NUCB2: variants seen among roughly 807,000 people sequenced by gnomAD.
NUCB2 encodes the protein nucleobindin-2.
In NUCB2, 48 loss-of-function variants were observed where a neutral mutation model predicts 57.9. That is an observed-to-expected ratio of 0.83 (90% CI 0.66 to 1.05). The LOEUF is 1.05. Among genes scored for constraint, NUCB2 ranks in the 50% least tolerant of loss-of-function variants. The probability of loss-of-function intolerance (pLI) is 0.00; values close to 1 mark genes in which losing one functional copy is unlikely to be tolerated. For synonymous variants in NUCB2, 139 were observed against 152.1 expected (o/e 0.91, Z 0.64); for missense variants, 442 against 476.2 (o/e 0.93, Z 0.67).
rs1190225120 is a variant in NUCB2, at chr11:17,288,877, G to GTA, written c.-1+5939_-1+5940dup. Among the ~76,000 whole-genome samples the GTA allele has an allele frequency of 4.6e-4, 16 of 34,704 alleles. 1 individual carries two copies. Among genetic ancestry groups the GTA allele is most frequent in the African/African-American group, 1.2e-3 (13 of 10,676 alleles). 22.8% of individuals were successfully genotyped at this position (34,704 alleles called of 152,430 possible). On this transcript the variant is annotated intron_variant, in intron 2 of 13. Coordinates refer to ENST00000529010, the MANE Select transcript of NUCB2 (RefSeq NM_005013.4). ...GCCCTTAAAGTCTATTTAATAACAT[G>GTA]TATATACACACACACACACACACAC... is the stretch of plus-strand genomic sequence containing the variant.
chr11:17,303,123 C>G (rs1947041393), intron 5 of NUCB2, among the ~76,000 whole-genome samples: 1 of 152,036 alleles, frequency 6.6e-6, no homozygotes, highest in Non-Finnish European at 1.5e-5. Flanking sequence ...TCAAGTAATC[C>G]TGAGTTGCTA....
chr11:17,318,360 A>G (rs947413781), intron 11 of NUCB2, among the ~76,000 whole-genome samples: 1 of 152,130 alleles, frequency 6.6e-6, no homozygotes, highest in African/African-American at 2.4e-5. Flanking sequence ...ATCATATCAA[A>G]AGTATTTTCA....
chr11:17,289,541 T>C (rs957903273), intron 2 of NUCB2, among the ~76,000 whole-genome samples: 6 of 152,168 alleles, frequency 3.9e-5, no homozygotes, highest in African/African-American at 1.2e-4. Flanking sequence ...ATAAACACAC[T>C]TGTCAGGTTA....
chr11:17,331,583 T>A lies in NUCB2; in HGVS notation c.*164T>A. The stretch of plus-strand genomic sequence containing the variant: ...AACACTTTTTTTGGGACACAGATAT[T>A]AAAGGATTGAAGTTTATCAGAACCA... On this transcript the variant is annotated 3_prime_UTR_variant, in exon 14 of 14. Transcript: ENST00000529010. 2.4e-6 allele frequency: 1 copy of A among 425,078 alleles called. No individual in the cohort carries two copies. 26.3% of individuals were successfully genotyped at this position (425,078 alleles called of 1,614,324 possible).
intron 11 of NUCB2, among the ~76,000 whole-genome samples, chr11:17,320,062 C>T (rs1949812416): frequency 6.9e-6 from 1 of 145,314 alleles, no homozygotes; most frequent in South Asian, 2.3e-4. Flanking sequence ...CTGCAGGGGA[C>T]ATGATCTCGT....
intron 1 of NUCB2, chr11:17,278,628 T>G (rs1941880969): frequency 6.6e-6 from 1 of 152,230 alleles, no homozygotes; most frequent in Non-Finnish European, 1.5e-5. Flanking sequence ...ACAGTTGAGA[T>G]AAAATGCACA....
chr11:17,313,921 C>G (rs914014957), intron 10 of NUCB2, among the ~76,000 whole-genome samples: 1 of 152,270 alleles, frequency 6.6e-6, no homozygotes, highest in African/African-American at 2.4e-5. Flanking sequence ...TGCTCTATAT[C>G]TGCATGTATG....
intron 4 of NUCB2, among the ~76,000 whole-genome samples, chr11:17,297,795 A>G (rs192989563): frequency 5.9e-5 from 9 of 152,266 alleles, no homozygotes; most frequent in African/African-American, 2.2e-4. Flanking sequence ...ATAAAAAAGA[A>G]ATGAGGGTCC....
Position 17,325,143 on chromosome 11 carries a change from A to G in NUCB2, c.1003-4984A>G, listed in dbSNP as rs1336807999. Reference sequence around the variant, plus strand: ...TGAGAACGATCCATGTGCTAAGGAGAAAAATGTGTACTCTATAGCTGTTGG... The same window carrying G: ...TGAGAACGATCCATGTGCTAAGGAGGAAAATGTGTACTCTATAGCTGTTGG... On this transcript the variant is annotated intron_variant, in intron 11 of 13. Transcript: ENST00000529010. Among the ~76,000 whole-genome samples the G allele has an allele frequency of 7.9e-5, 12 of 152,152 alleles. 1 individual carries two copies. The highest frequency in any genetic ancestry group is 7.9e-4 in the Admixed American group (12 of 15,266).
intron 11 of NUCB2, chr11:17,317,525 C>T: frequency 4.9e-6 from 2 of 407,580 alleles, no homozygotes; most frequent in East Asian, 1.5e-4. Context: ...CAATAATATC[C>T]TTTATAACAA....
intron 2 of NUCB2, among the ~76,000 whole-genome samples, chr11:17,339,937 C>A (rs1274968085): frequency 6.6e-6 from 1 of 152,188 alleles, no homozygotes; most frequent in African/African-American, 2.4e-5. Flanking sequence ...CACAGATTTC[C>A]ACAATGGTTG....
intron 2 of NUCB2, among the ~76,000 whole-genome samples, chr11:17,285,460 C>G (rs1943524656): frequency 6.6e-6 from 1 of 151,944 alleles, no homozygotes; most frequent in African/African-American, 2.4e-5. Context: ...GCCTGTAGTC[C>G]CAGCTACTTA....
chr11:17,337,000 G>C (rs1180951052), downstream of NUCB2, among the ~76,000 whole-genome samples: 2 of 151,674 alleles, frequency 1.3e-5, no homozygotes. Context: ...GAGTACAGTG[G>C]TGCCATCATA....
chr11:17,308,124 G>T (rs1172112464), intron 5 of NUCB2, among the ~76,000 whole-genome samples: 2 of 152,094 alleles, frequency 1.3e-5, no homozygotes, highest in African/African-American at 4.8e-5. Context: ...GTGAAAACTT[G>T]GTTGAACCAG....
At chr11:17,293,650 C>T (rs565801196) in intron 2 of NUCB2, among the ~76,000 whole-genome samples, 1 of 152,202 alleles carries the variant, frequency 6.6e-6, no homozygotes, top group Non-Finnish European at 1.5e-5. Flanking sequence ...AAATGTCCAT[C>T]AGTTCATGAA....
At chr11:17,346,879 G>C (rs1334406844) in intron 2 of NUCB2, among the ~76,000 whole-genome samples, 2 of 152,076 alleles carry the variant, frequency 1.3e-5, no homozygotes, top group Non-Finnish European at 2.9e-5. Flanking sequence ...ATTGCATTTA[G>C]TTTTGTTATG....
intron 5 of NUCB2, among the ~76,000 whole-genome samples, chr11:17,303,884 C>CAAA (rs1237614290): frequency 9.2e-5 from 5 of 54,616 alleles, no homozygotes; most frequent in African/African-American, 1.9e-4. Context: ...GACTCCATCT[C>CAAA]AAAAAAAAAA....
intron 11 of NUCB2, among the ~76,000 whole-genome samples, chr11:17,324,780 C>CTATTTATTTATTTATT (rs147466695): frequency 4.1e-5 from 6 of 147,170 alleles, no homozygotes; most frequent in South Asian, 2.2e-4. Context: ...GTCTATTTGT[C>CTATTTATTTATTTATT]TATTTATTTA....
intron 11 of NUCB2, among the ~76,000 whole-genome samples, chr11:17,316,004 G>A (rs560262122): frequency 8.6e-5 from 13 of 152,028 alleles, no homozygotes; most frequent in African/African-American, 3.1e-4. Context: ...ACAGAGTCTT[G>A]CTCTGTTGCC....
Sources: allele counts gnomAD v4.1 joint callset (sites outside exome capture counted in the v4.1 genomes callset), GRCh38; gene constraint gnomAD v4.1.1; transcripts MANE v1.5; gene names NCBI Gene and HGNC (gene_info 2026-07-23, HGNC 2026-07-21).